BOD1L1: variants seen among roughly 807,000 people sequenced by gnomAD.
BOD1L1 encodes biorientation of chromosomes in cell division protein 1-like 1.
BOD1L1 carries 86 observed loss-of-function variants against 240.7 expected under a neutral mutation model. The observed-to-expected ratio is 0.36, with a 90% confidence interval of 0.30 to 0.43. The LOEUF (loss-of-function observed/expected upper bound fraction) is 0.43, where lower values mean the gene tolerates loss of function less well. Among genes scored for constraint, BOD1L1 ranks in the 20% least tolerant of loss-of-function variants. The pLI, the probability that BOD1L1 is intolerant of heterozygous loss-of-function variation, is 1.00. For missense variants in BOD1L1, 3,554 were observed against 3,643.5 expected, an observed-to-expected ratio of 0.98 and a Z score of 0.63; for synonymous variants, 1,268 against 1,272.3, an observed-to-expected ratio of 1.00 and a Z score of 0.07.
Position 13,600,204 on chromosome 4 carries a change from G to A in BOD1L1, c.6696C>T (p.Ser2232=), listed in dbSNP as rs781148005. 13 of 1,613,774 alleles carry A rather than the reference G, an allele frequency of 8.1e-6. No homozygotes were observed. The highest frequency in any genetic ancestry group is 6.7e-5 in the African/African-American group (5 of 74,896). ...CATTTTCACTTTCAACAACTACACCGGAAACAGAAGCCTCACATTCTTCTG... is the reference window on the plus strand; with the variant it reads ...CATTTTCACTTTCAACAACTACACCAGAAACAGAAGCCTCACATTCTTCTG... ...SIAEECEASV[S]GVVVESENER... is the part of the protein sequence containing the mutation. Residue 2232 remains serine, a synonymous_variant, in exon 10 of 26, where the codon TCC becomes TCT. Transcript: ENST00000040738.
rs1173448469 is a variant in BOD1L1 at position 13,608,743 on chromosome 4, A to AT, written c.1604-76dup. The AT allele has an allele frequency of 5.6e-6, 7 of 1,256,200 alleles. No homozygotes were observed. The African/African-American group carries it at 9.4e-5, about 17-fold the overall frequency. 77.8% of individuals were successfully genotyped at this position (1,256,200 alleles called of 1,614,324 possible). Reference sequence around the variant, plus strand: ...AATGTAATATTAATTTTTCATTAAGATTTTTCTAATCATTGTTAAAGCCAA... The same window carrying AT: ...AATGTAATATTAATTTTTCATTAAGATTTTTTCTAATCATTGTTAAAGCCAA... On this transcript the variant is annotated intron_variant, in intron 7 of 25. Transcript: ENST00000040738.
At chr4:13,575,084 T>C (rs1268076143) in intron 25 of BOD1L1, among the ~76,000 whole-genome samples, 1 of 151,942 alleles carries the variant, frequency 6.6e-6, no homozygotes, top group East Asian at 1.9e-4. Context: ...CACACCCAGC[T>C]AATTTTTTAT....
In BOD1L1 at chr4:13,613,366, A is replaced by G. The variant is rs1716330862; in HGVS notation, c.1324+146T>C. 4 of 705,796 alleles carry G rather than the reference A, an allele frequency of 5.7e-6. No homozygotes were observed. The East Asian group carries it at 1.1e-4, about 20-fold the overall frequency. 43.7% of individuals were successfully genotyped at this position (705,796 alleles called of 1,614,324 possible). A position where few individuals can be genotyped will look rare whatever the true frequency, so the allele number is the denominator to read the frequency against. ...AGCTTGCTCAGACAGACAACTTTGG[A>G]GCTGGGACTCAGAAACAAATCTTCC... is the stretch of plus-strand genomic sequence containing the variant. On this transcript the variant is annotated intron_variant, in intron 5 of 25. Coordinates refer to ENST00000040738, the MANE Select transcript of BOD1L1 (RefSeq NM_148894.3). This position sits in a 1 kb window ranked among gnomAD's most constrained non-coding sequence, Gnocchi z 4.0.
intron 17 of BOD1L1, among the ~76,000 whole-genome samples, chr4:13,585,431 T>G (rs1321635562): frequency 1.3e-5 from 2 of 151,872 alleles, no homozygotes; most frequent in East Asian, 3.9e-4. Flanking sequence ...TAATGAGAAA[T>G]TTTAGAGTAC....
rs1218605230 is a variant in BOD1L1, at chr4:13,627,575, G to T, written c.13C>A (p.Pro5Thr). The change falls in exon 1 of 26, where the codon CCA (proline) becomes ACA (threonine). Residue 5 changes from proline to threonine, a missense_variant. This residue lies in a region of BOD1L1 where 161 missense variants were observed against 216.4 expected (regional missense o/e 0.74). Transcript: ENST00000040738. MATN[P>T]QPQPPPPAPP... ...GCCGGAGGAGGCGGCTGCGGCTGTG[G>T]GTTGGTGGCCATGGTGGCCTGTGCC... 1.1e-5 allele frequency: 13 copies of T among 1,141,070 alleles called. No homozygotes were observed. The highest frequency in any genetic ancestry group is 1.2e-5 in the Non-Finnish European group (11 of 929,434). 70.7% of individuals were successfully genotyped at this position (1,141,070 alleles called of 1,614,324 possible).
intron 1 of BOD1L1, among the ~76,000 whole-genome samples, chr4:13,622,236 C>A (rs1717093232): frequency 1.3e-5 from 2 of 152,186 alleles, no homozygotes; most frequent in Non-Finnish European, 2.9e-5. Flanking sequence ...ATTCCCAAAT[C>A]TAACACACAT....
intron 25 of BOD1L1, among the ~76,000 whole-genome samples, chr4:13,573,775 T>G (rs1303742858): frequency 2.0e-5 from 3 of 152,160 alleles, no homozygotes; most frequent in Non-Finnish European, 4.4e-5. Context: ...CCACCAGCCT[T>G]GGACTCCCAA....
Position 13,604,471 on chromosome 4 carries a change from G to T in BOD1L1, c.2429C>A (p.Ser810Tyr). ...CTCATCTGTTTTTATAATATATTCAGAAACTGGCTTTCCATCTTTGCCTAA... is the reference window on the plus strand; with the variant it reads ...CTCATCTGTTTTTATAATATATTCATAAACTGGCTTTCCATCTTTGCCTAA... ...SVLGKDGKPV[S>Y]EYIIKTDENV... The change falls in exon 10 of 26, where the codon TCT becomes TAT. Residue 810 changes from serine to tyrosine, a missense_variant. Physicochemically the swap from Ser to Tyr is moderately radical, Grantham distance 144. Coordinates refer to ENST00000040738, the MANE Select transcript of BOD1L1 (RefSeq NM_148894.3). The T allele has an allele frequency of 1.3e-6, 2 of 1,538,388 alleles. No individual in the cohort carries two copies. Among genetic ancestry groups the T allele is most frequent in the Non-Finnish European group, 1.7e-6 (2 of 1,152,436 alleles).
intron 12 of BOD1L1, among the ~76,000 whole-genome samples, chr4:13,594,144 T>G (rs1271868388): frequency 6.6e-6 from 1 of 152,186 alleles, no homozygotes; most frequent in Non-Finnish European, 1.5e-5. Flanking sequence ...TACCTGAATT[T>G]TTCAGTTTTG....
In BOD1L1 at chr4:13,587,484, C is replaced by T. The variant is rs57205020; in HGVS notation, c.8353+215G>A. On this transcript the variant is annotated intron_variant, in intron 16 of 25. Coordinates refer to ENST00000040738, the MANE Select transcript of BOD1L1 (RefSeq NM_148894.3). ...GAGCCTGTCTTTGTCTGAGATCCAG[C>T]GGTTGGGTCTTCTGCAGGAAGCAAT... 2.8e-3 allele frequency among the ~76,000 whole-genome samples: 426 copies of T among 152,184 alleles called. 4 individuals carry two copies. Among genetic ancestry groups the T allele is most frequent in the African/African-American group, 9.8e-3 (405 of 41,514 alleles).
chr4:13,619,386 C>T (rs1035128143), intron 2 of BOD1L1, among the ~76,000 whole-genome samples: 23 of 150,992 alleles, frequency 1.5e-4, no homozygotes, highest in East Asian at 5.9e-4. Flanking sequence ...TTATAATTGT[C>T]ATTACCTTAT....
intron 17 of BOD1L1, among the ~76,000 whole-genome samples, chr4:13,584,975 CTG>C (rs1209813947): frequency 2.6e-5 from 4 of 152,150 alleles, no homozygotes; most frequent in Non-Finnish European, 2.9e-5. Flanking sequence ...ACTGAAAATA[CTG>C]TGTCTATAAA....
chr4:13,591,691 A>G (rs1193468686), intron 13 of BOD1L1, among the ~76,000 whole-genome samples: 1 of 152,216 alleles, frequency 6.6e-6, no homozygotes, highest in Non-Finnish European at 1.5e-5. Context: ...ATAATAAACA[A>G]TAGAAAGTTC....
At chr4:13,611,844 T>A (rs1227379498) in intron 5 of BOD1L1, among the ~76,000 whole-genome samples, 1 of 152,034 alleles carries the variant, frequency 6.6e-6, no homozygotes, top group East Asian at 1.9e-4. Flanking sequence ...AGGGAAGAGG[T>A]GGGAATTAAT....
chr4:13,571,244 A>G (rs2108869730), intron 25 of BOD1L1, among the ~76,000 whole-genome samples: 1 of 152,332 alleles, frequency 6.6e-6, no homozygotes, highest in South Asian at 2.1e-4. Context: ...AATGCCCAAC[A>G]CATGGCAAGC....
chr4:13,598,906 T>C, intron 10 of BOD1L1, 40 bp downstream of exon 10: 1 of 1,548,760 alleles, frequency 6.5e-7, no homozygotes, highest in Non-Finnish European at 8.7e-7. Flanking sequence ...ACAATCATCC[T>C]TGTAAATATT....
chr4:13,611,370 G>C (rs1306679485), intron 5 of BOD1L1, among the ~76,000 whole-genome samples: 1 of 152,192 alleles, frequency 6.6e-6, no homozygotes, highest in African/African-American at 2.4e-5. Context: ...ATGTAACAGA[G>C]TTTTCTGGAG....
chr4:13,575,513 C>T (rs556788154), intron 25 of BOD1L1, among the ~76,000 whole-genome samples: 3 of 151,670 alleles, frequency 2.0e-5, no homozygotes, highest in Non-Finnish European at 2.9e-5. Context: ...CCCAAGTAGC[C>T]GGGACTACAG....
intron 25 of BOD1L1, among the ~76,000 whole-genome samples, chr4:13,573,442 G>GTCTATCTATCTATCTATCTATCTA (rs1553830292): frequency 0.028 from 3,372 of 120,740 alleles, 72 homozygotes; most frequent in East Asian, 0.056. Flanking sequence ...CTGTCTGTCT[G>GTCTATCTATCTATCTATCTATCTA]TCTATCTATC....
Sources: allele counts gnomAD v4.1 joint callset (sites outside exome capture counted in the v4.1 genomes callset), GRCh38; gene constraint gnomAD v4.1.1; regional missense constraint gnomAD v4.1.1; non-coding constraint Gnocchi (gnomAD v3.1); transcripts MANE v1.5; gene names NCBI Gene and HGNC (gene_info 2026-07-23, HGNC 2026-07-21).